The following KCNT2 variants were observed in gnomAD, a reference collection of about 807,000 sequenced individuals.
KCNT2 encodes potassium sodium-activated channel subfamily T member 2, also known as potassium channel subfamily T member 2.
Under a neutral mutation model 153.8 loss-of-function variants are expected in KCNT2, and 67 were observed. That is an observed-to-expected ratio of 0.44 (90% CI 0.36 to 0.53). The LOEUF (loss-of-function observed/expected upper bound fraction) is 0.53, where lower values mean the gene tolerates loss of function less well. Ranked by LOEUF, KCNT2 falls within the 20% of genes least tolerant of loss-of-function variation. The pLI is 0.00. For missense variants in KCNT2, 975 were observed against 1,354.8 expected (o/e 0.72, Z 4.40); for synonymous variants, 500 against 458.8 (o/e 1.09, Z -1.15).
At chr1:196,538,515 T>C (rs925262886) in intron 1 of KCNT2, among the ~76,000 whole-genome samples, 5 of 152,208 alleles carry the variant, frequency 3.3e-5, no homozygotes, top group Non-Finnish European at 2.9e-5. Context: ...AGCCACAAGC[T>C]GTATGTACAG....
chr1:196,358,171 T>C (rs1667326758), intron 14 of KCNT2, among the ~76,000 whole-genome samples: 1 of 151,780 alleles, frequency 6.6e-6, no homozygotes, highest in Non-Finnish European at 1.5e-5. Context: ...TTTTTGCTTG[T>C]ATATTCCAAC....
intron 14 of KCNT2, among the ~76,000 whole-genome samples, chr1:196,364,090 G>GA (rs202220249): frequency 2.0e-5 from 3 of 151,480 alleles, no homozygotes; most frequent in African/African-American, 7.3e-5. Flanking sequence ...AGACATTAAT[G>GA]AAAAAAAATA....
At chr1:196,323,964 TA>T (rs202104374) in intron 19 of KCNT2, among the ~76,000 whole-genome samples, 1,857 of 137,074 alleles carry the variant, frequency 0.014, 13 homozygotes, top group African/African-American at 0.03. Flanking sequence ...ATCTAATTGT[TA>T]AAAAAAAAAA....
chr1:196,280,720 T>C, intron 25 of KCNT2, 140 bp downstream of exon 25: 2 of 777,434 alleles, frequency 2.6e-6, no homozygotes, highest in South Asian at 1.7e-5. Flanking sequence ...AAAATTTGGT[T>C]CTGAGATTTA....
intron 12 of KCNT2, among the ~76,000 whole-genome samples, chr1:196,415,421 G>A (rs1448445358): frequency 6.6e-6 from 1 of 151,712 alleles, no homozygotes; most frequent in East Asian, 1.9e-4. Context: ...ACCAAGCAAC[G>A]TGGTGTCCTG....
At position 196,332,462 on chromosome 1, in the gene KCNT2, A is replaced by G. The variant is rs556991635; in HGVS notation, c.1998-1201T>C. ...GTAGATTTGGTTTTGTGGGTACACC[A>G]ACCTTTCTTACAGTATTTTTTTAAG... On this transcript the variant is annotated intron_variant, in intron 17 of 27. Transcript: ENST00000294725. 2.0e-5 allele frequency among the ~76,000 whole-genome samples: 3 copies of G among 152,272 alleles called. No individual in the cohort carries two copies. The South Asian group carries it at 6.2e-4, about 32-fold the overall frequency.
chr1:196,542,723 C>T (rs1656551040), intron 1 of KCNT2, among the ~76,000 whole-genome samples: 2 of 151,954 alleles, frequency 1.3e-5, no homozygotes, highest in Non-Finnish European at 2.9e-5. Context: ...TTATTGAATG[C>T]CTATTAGGGG....
At chr1:196,562,954 G>C (rs2148927965) in intron 1 of KCNT2, among the ~76,000 whole-genome samples, 1 of 152,128 alleles carries the variant, frequency 6.6e-6, no homozygotes, top group Non-Finnish European at 1.5e-5. Flanking sequence ...TTGACCTTCT[G>C]TGTAGAAAAT....
At chr1:196,250,142 C>A (rs781575876) in intron 26 of KCNT2, among the ~76,000 whole-genome samples, 1 of 151,616 alleles carries the variant, frequency 6.6e-6, no homozygotes, top group Non-Finnish European at 1.5e-5. Flanking sequence ...AGTATAGCTA[C>A]CCTGAGCAAA....
chr1:196,358,217 G>A (rs1667331040), intron 14 of KCNT2, among the ~76,000 whole-genome samples: 1 of 151,084 alleles, frequency 6.6e-6, no homozygotes, highest in African/African-American at 2.4e-5. Flanking sequence ...ATATTTCTAT[G>A]AGATTATCTT....
At chr1:196,409,413 G>A (rs1229334261) in intron 12 of KCNT2, among the ~76,000 whole-genome samples, 1 of 151,124 alleles carries the variant, frequency 6.6e-6, no homozygotes, top group East Asian at 2.0e-4. Flanking sequence ...TCTCACTGCA[G>A]TATATTTTGT....
chr1:196,576,203 T>C (rs971519182), intron 1 of KCNT2, among the ~76,000 whole-genome samples: 1 of 151,870 alleles, frequency 6.6e-6, no homozygotes, highest in African/African-American at 2.4e-5. Flanking sequence ...CCAAGATTAA[T>C]TAACTCAAGG....
At chr1:196,534,536 A>G (rs1292545491) in intron 1 of KCNT2, among the ~76,000 whole-genome samples, 2 of 152,194 alleles carry the variant, frequency 1.3e-5, no homozygotes, top group Non-Finnish European at 2.9e-5. Flanking sequence ...AGAAAACAGG[A>G]AGTCCAAGAA....
intron 12 of KCNT2, among the ~76,000 whole-genome samples, chr1:196,412,838 T>C (rs2148489240): frequency 6.6e-6 from 1 of 151,834 alleles, no homozygotes; most frequent in East Asian, 1.9e-4. Context: ...CAATAAATAA[T>C]GGCAGACATC....
intron 21 of KCNT2, among the ~76,000 whole-genome samples, chr1:196,307,461 A>T (rs1187918354): frequency 6.6e-6 from 1 of 152,028 alleles, no homozygotes; most frequent in African/African-American, 2.4e-5. Context: ...TGATTACACT[A>T]CCTGTTGGCT....
intron 12 of KCNT2, among the ~76,000 whole-genome samples, chr1:196,412,607 G>C (rs936813858): frequency 1.3e-5 from 2 of 151,480 alleles, no homozygotes; most frequent in African/African-American, 2.4e-5. Context: ...GTGGTAAATA[G>C]AAGCTCTACA....
At chr1:196,422,961 T>G in intron 12 of KCNT2, 89 bp downstream of exon 12, 1 of 759,636 alleles carries the variant, frequency 1.3e-6, no homozygotes, top group Non-Finnish European at 2.1e-6. Context: ...CACCAATACT[T>G]AATGCTGGCG....
chr1:196,400,026 G>A (rs943367147), intron 12 of KCNT2, among the ~76,000 whole-genome samples: 3 of 151,766 alleles, frequency 2.0e-5, no homozygotes, highest in African/African-American at 7.3e-5. Flanking sequence ...CTCAAAACAA[G>A]ATAGTAACTT....
chr1:196,253,660 G>A (rs765935765), intron 26 of KCNT2, among the ~76,000 whole-genome samples: 3 of 151,360 alleles, frequency 2.0e-5, no homozygotes, highest in Non-Finnish European at 4.4e-5. Flanking sequence ...GCACAATATT[G>A]TTTCACATTT....
Sources: gnomAD v4.1 joint callset for allele counts (sites outside exome capture counted in the v4.1 genomes callset) on GRCh38, gnomAD v4.1.1 for gene constraint, MANE v1.5 for transcripts, NCBI Gene and HGNC (gene_info 2026-07-23, HGNC 2026-07-21) for gene names.